The following MTHFD2L variants were observed in gnomAD, a reference collection of about 807,000 sequenced individuals.
The protein encoded by MTHFD2L is bifunctional methylenetetrahydrofolate dehydrogenase/cyclohydrolase 2, mitochondrial.
In MTHFD2L, 29 loss-of-function variants were observed where a neutral mutation model predicts 34.9. That is an observed-to-expected ratio of 0.83 (90% CI 0.62 to 1.13). The LOEUF (loss-of-function observed/expected upper bound fraction) is 1.13. Among genes scored for constraint, MTHFD2L ranks in the 50% most tolerant of loss-of-function variants. MTHFD2L has a pLI of 0.00. For missense variants in MTHFD2L, 481 were observed against 446.5 expected (o/e 1.08, Z -0.70); for synonymous variants, 167 against 155.7 (o/e 1.07, Z -0.54).
chr4:74,160,015 C>T, intron 1 of MTHFD2L: 6 of 1,252,028 alleles, frequency 4.8e-6, no homozygotes, highest in Non-Finnish European at 6.2e-6. Flanking sequence ...GGAATTCGGA[C>T]AGTGTGTTGA....
At chr4:74,223,701 T>G (rs1185455079) in intron 5 of MTHFD2L, among the ~76,000 whole-genome samples, 1 of 152,148 alleles carries the variant, frequency 6.6e-6, no homozygotes, top group Non-Finnish European at 1.5e-5. Context: ...TGACATTTTT[T>G]GTTGAGTTTA....
intron 5 of MTHFD2L, among the ~76,000 whole-genome samples, chr4:74,204,345 TA>T (rs773812721): frequency 1.3e-5 from 2 of 152,212 alleles, no homozygotes; most frequent in Non-Finnish European, 2.9e-5. Context: ...GTAAGTTAAG[TA>T]AGCTATTGGT....
At chr4:74,248,250 T>A (rs1742778427) in intron 6 of MTHFD2L, among the ~76,000 whole-genome samples, 1 of 152,208 alleles carries the variant, frequency 6.6e-6, no homozygotes, top group South Asian at 2.1e-4. Context: ...TCTTCTAGAT[T>A]TTCTAGTTTA....
intron 1 of MTHFD2L, among the ~76,000 whole-genome samples, chr4:74,169,311 A>G (rs757364415): frequency 6.6e-6 from 1 of 152,156 alleles, no homozygotes; most frequent in Non-Finnish European, 1.5e-5. Context: ...AGTTTATGCT[A>G]TTGGTCTTCT....
At chr4:74,196,979 T>C (rs1353582334) in intron 3 of MTHFD2L, among the ~76,000 whole-genome samples, 1 of 150,910 alleles carries the variant, frequency 6.6e-6, no homozygotes, top group Non-Finnish European at 1.5e-5. Context: ...ACAAAACATA[T>C]ATTCATTCAA....
At chr4:74,207,154 C>G (rs1401065126) in intron 5 of MTHFD2L, among the ~76,000 whole-genome samples, 1 of 152,078 alleles carries the variant, frequency 6.6e-6, no homozygotes, top group Non-Finnish European at 1.5e-5. Context: ...CCTGCCTCCA[C>G]CTCTCAAAAT....
intron 6 of MTHFD2L, among the ~76,000 whole-genome samples, chr4:74,227,447 G>T (rs1027413426): frequency 6.6e-6 from 1 of 152,020 alleles, no homozygotes; most frequent in Non-Finnish European, 1.5e-5. Flanking sequence ...TGGAGATACC[G>T]ACAGAAGCAG....
intron 1 of MTHFD2L, chr4:74,165,062 A>G (rs1246505347): frequency 1.1e-6 from 1 of 878,914 alleles, no homozygotes; most frequent in African/African-American, 1.8e-5. Context: ...TGGCCAAACT[A>G]GCACATTTTT....
intron 5 of MTHFD2L, among the ~76,000 whole-genome samples, chr4:74,221,759 G>A (rs1265320027): frequency 6.7e-6 from 1 of 149,688 alleles, no homozygotes; most frequent in Non-Finnish European, 1.5e-5. Flanking sequence ...AAATATATAT[G>A]GTAAAACTAT....
At chr4:74,209,262 A>C (rs1735882948) in intron 5 of MTHFD2L, among the ~76,000 whole-genome samples, 1 of 152,158 alleles carries the variant, frequency 6.6e-6, no homozygotes, top group Non-Finnish European at 1.5e-5. Context: ...TTACATAGGT[A>C]TACATGGGCC....
Position 74,237,613 on chromosome 4 carries a change from G to GA in MTHFD2L, c.805+12227dup, listed in dbSNP as rs572835054. 1.7e-3 allele frequency among the ~76,000 whole-genome samples: 263 copies of GA among 151,844 alleles called. 1 individual carries two copies. Among genetic ancestry groups the GA allele is most frequent in the African/African-American group, 5.8e-3 (239 of 41,426 alleles). ...TGGGTGACAGAGACAGACTCTGTCTGAAAAAAAAGAAGAAGTCAAGTGCTT... is the reference window on the plus strand; with the variant it reads ...TGGGTGACAGAGACAGACTCTGTCTGAAAAAAAAAGAAGAAGTCAAGTGCTT... On this transcript the variant is annotated intron_variant, in intron 6 of 7. Transcript: ENST00000325278.
rs1739377686 is a variant in MTHFD2L at position 74,227,666 on chromosome 4, T to C, written c.805+2272T>C. Among the ~76,000 whole-genome samples, 4 of 152,288 alleles carry C rather than the reference T, an allele frequency of 2.6e-5. No homozygotes were observed. In the South Asian group the frequency reaches 8.3e-4, roughly 32 times the overall value. ...CTAGTAAGAAATGTTGTTGGGAAGG[T>C]AGCCAGGGTTAACTCATGAAGGACG... is the stretch of plus-strand genomic sequence containing the variant. On this transcript the variant is annotated intron_variant, in intron 6 of 7. Coordinates refer to ENST00000325278, the MANE Select transcript of MTHFD2L (RefSeq NM_001144978.3).
intron 5 of MTHFD2L, among the ~76,000 whole-genome samples, chr4:74,207,749 C>A (rs1377097026): frequency 7.3e-6 from 1 of 137,072 alleles, no homozygotes; most frequent in East Asian, 2.1e-4. Context: ...AGAATTAACC[C>A]CAGTTGTGAA....
At chr4:74,294,043 T>C (rs554799125) in intron 7 of MTHFD2L, among the ~76,000 whole-genome samples, 2 of 152,188 alleles carry the variant, frequency 1.3e-5, no homozygotes, top group Admixed American at 6.6e-5. Flanking sequence ...AAAATAATTA[T>C]AGCATTGTGG....
upstream of MTHFD2L, among the ~76,000 whole-genome samples, chr4:74,153,237 C>T (rs532291880): frequency 5.9e-5 from 9 of 152,306 alleles, no homozygotes; most frequent in South Asian, 1.9e-3. Flanking sequence ...TAACTGTTCA[C>T]ATTCTGATAA....
chr4:74,264,391 A>G (rs1031475308), intron 6 of MTHFD2L, among the ~76,000 whole-genome samples: 2 of 152,042 alleles, frequency 1.3e-5, no homozygotes, highest in African/African-American at 2.4e-5. Context: ...ATGAATACCT[A>G]TGTACTCAAC....
chr4:74,200,693 A>G (rs1476467784), intron 4 of MTHFD2L, among the ~76,000 whole-genome samples: 1 of 152,182 alleles, frequency 6.6e-6, no homozygotes, highest in Non-Finnish European at 1.5e-5. Context: ...TCATACTCCT[A>G]CACTGTTAGT....
chr4:74,148,369 TTATTTATTTATTTATTTATTTATCTATC>T lies in MTHFD2L; in HGVS notation c.-296-11682_-296-11655del, dbSNP rs1219406481. On this transcript the variant is annotated intron_variant, in intron 1 of 7. Transcript: ENST00000433372. ...ACATTTTATTTATTTATTTATTTAT[TTATTTATTTATTTATTTATTTATCTATC>T]TATCTATTTAGACAGAGTTTTGCTC... 2.0e-3 allele frequency among the ~76,000 whole-genome samples: 40 copies of T among 19,848 alleles called. 1 individual carries two copies. The highest frequency in any genetic ancestry group is 5.4e-3 in the African/African-American group (37 of 6,880). The allele number at this position is 19,848 out of a possible 152,430, so 13.0% of individuals were successfully genotyped here. A position where few individuals can be genotyped will look rare whatever the true frequency, so the allele number is the denominator to read the frequency against.
chr4:74,270,490 G>A (rs947199705), intron 6 of MTHFD2L, among the ~76,000 whole-genome samples: 1 of 152,124 alleles, frequency 6.6e-6, no homozygotes, highest in Non-Finnish European at 1.5e-5. Context: ...TCCCTACAAA[G>A]GACATGAACT....
Sources: allele counts gnomAD v4.1 joint callset (sites outside exome capture counted in the v4.1 genomes callset), GRCh38; gene constraint gnomAD v4.1.1; transcripts MANE v1.5; gene names NCBI Gene and HGNC (gene_info 2026-07-23, HGNC 2026-07-21).